Variants in OFD1 observed in about 807,000 individuals in gnomAD.
OFD1 encodes the protein OFD1 centriole and centriolar satellite protein.
OFD1 carries 12 observed loss-of-function variants against 81.4 expected under a neutral mutation model. That is an observed-to-expected ratio of 0.15 (90% CI 0.09 to 0.24). The LOEUF (loss-of-function observed/expected upper bound fraction) is 0.24, where lower values mean the gene tolerates loss of function less well. Ranked by LOEUF, OFD1 falls within the 10% of genes least tolerant of loss-of-function variation. OFD1 has a pLI of 1.00. For missense variants in OFD1, 685 were observed against 733.9 expected (o/e 0.93, Z 0.77); for synonymous variants, 256 against 263.7 (o/e 0.97, Z 0.28).
At chrX:13,734,419 G>C (rs1602754415), upstream of OFD1, 1 of 260,167 alleles carries the variant, frequency 3.8e-6, no homozygotes, top group Non-Finnish European at 6.8e-6. Flanking sequence ...CGGCCACCCC[G>C]GGGAGGGGTG....
chrX:13,723,511 T>C, the OFD1 span, among the ~76,000 whole-genome samples: 42 of 111,557 alleles, frequency 3.8e-4, no homozygotes, highest in African/African-American at 1.4e-3. Context: ...TCCTCCACCT[T>C]CCCTTCACCA....
chrX:13,724,375 T>A, the OFD1 span, among the ~76,000 whole-genome samples: 1 of 96,907 alleles, frequency 1.0e-5, no homozygotes. Context: ...AGGCCTACAA[T>A]GAGTTGAAGT....
chrX:13,725,920 T>C, the OFD1 span, among the ~76,000 whole-genome samples: 1 of 111,684 alleles, frequency 9.0e-6, no homozygotes, highest in South Asian at 3.7e-4. Context: ...TTAAATGACC[T>C]GAGGGAGCTA....
the OFD1 span, chrX:13,721,740 T>C: frequency 5.5e-5 from 5 of 91,734 alleles, no homozygotes; most frequent in African/African-American, 2.2e-4. Context: ...TCAGAACTCC[T>C]GGCATGATGA....
chrX:13,739,178 C>T, intron 5 of OFD1, 146 bp downstream of exon 5: 1 of 504,984 alleles, frequency 2.0e-6, no homozygotes, highest in South Asian at 3.3e-5. Flanking sequence ...CCCTATATTT[C>T]CATTTTTGTA....
At chrX:13,767,978 A>ATTAGTGCAT (rs764338743) in intron 20 of OFD1, 76 bp from the exon 21 acceptor site, 24 of 1,012,798 alleles carry the variant, frequency 2.4e-5, no homozygotes, top group Non-Finnish European at 2.9e-5. Flanking sequence ...CGGGATTAAT[A>ATTAGTGCAT]TTAGTGCATT....
chrX:13,735,723 A>G (rs749130880), intron 2 of OFD1, among the ~76,000 whole-genome samples: 1 of 112,283 alleles, frequency 8.9e-6, no homozygotes, highest in Non-Finnish European at 1.9e-5. Context: ...GACACCATAT[A>G]GAAAATACTA....
At chrX:13,737,397 CTT>C (rs1206441508) in intron 3 of OFD1, among the ~76,000 whole-genome samples, 3 of 105,581 alleles carry the variant, frequency 2.8e-5, no homozygotes, top group African/African-American at 7.0e-5. Flanking sequence ...TTTTAATAGA[CTT>C]TATTTTTTCA....
upstream of OFD1, among the ~76,000 whole-genome samples, chrX:13,732,734 A>G (rs142974592): frequency 7.0e-3 from 791 of 113,060 alleles, 7 homozygotes; most frequent in African/African-American, 0.024. Context: ...GAGTGGGAGG[A>G]TGCTCAGTGA....
At chrX:13,751,976 G>A (rs1025537087) in intron 10 of OFD1, among the ~76,000 whole-genome samples, 6 of 112,288 alleles carry the variant, frequency 5.3e-5, no homozygotes, top group African/African-American at 1.9e-4. Context: ...TTGATAAGCT[G>A]TAAAATTGGA....
At position 13,761,156 on chromosome X, in the gene OFD1, T is replaced by C. The variant is rs1306533962; in HGVS notation, c.2332T>C (p.Ser778Pro). 2 of 1,210,441 alleles carry C rather than the reference T, an allele frequency of 1.7e-6. No individual in the cohort carries two copies. The highest frequency in any genetic ancestry group is 4.3e-5 in the Admixed American group (2 of 45,984). Residue 778 changes from serine (S) to proline (P), a missense_variant, in exon 17 of 23, where the codon TCT (serine) becomes CCT (proline). Coordinates refer to ENST00000340096, the MANE Select transcript of OFD1 (RefSeq NM_003611.3). ...AATGCCCCTACCATCACCCACTGAGTCTAGGCACAGCCTCTCCATCCCTCC... is the reference window on the plus strand; with the variant it reads ...AATGCCCCTACCATCACCCACTGAGCCTAGGCACAGCCTCTCCATCCCTCC... ...DRMPLPSPTE[S>P]RHSLSIPPVS... is the part of the protein sequence containing the mutation.
the OFD1 span, among the ~76,000 whole-genome samples, chrX:13,724,400 T>TAAAAAAA: frequency 2.4e-5 from 2 of 82,313 alleles, no homozygotes; most frequent in African/African-American, 9.0e-5. Context: ...AATATATATT[T>TAAAAAAA]AAAAAAAAAA....
the OFD1 span, chrX:13,714,517 G>A: frequency 8.2e-6 from 8 of 970,295 alleles, no homozygotes; most frequent in African/African-American, 1.3e-4. Flanking sequence ...TAGGAAAGAA[G>A]AAAGTATTAG....
rs1271865072 is a variant in OFD1 at position 13,757,764 on chromosome X, G to A, written c.1516G>A (p.Ala506Thr). The A allele has an allele frequency of 8.3e-7, 1 of 1,211,112 alleles. No homozygotes were observed. The highest frequency in any genetic ancestry group is 1.1e-6 in the Non-Finnish European group (1 of 895,008). Residue 506 changes from alanine to threonine, a missense_variant, in exon 14 of 23, where the codon GCT (alanine) becomes ACT (threonine). Around this residue, in one of 3 missense-constraint regions of OFD1, gnomAD observed 414 missense variants for 447.2 expected, o/e 0.93. Transcript: ENST00000340096. Reference sequence around the variant, plus strand: ...TGAGGAGTTCGAAAGCTGCAGGCAAGCTCTGCACAAACAACTGCAAGACGA... The same window carrying A: ...TGAGGAGTTCGAAAGCTGCAGGCAAACTCTGCACAAACAACTGCAAGACGA... ...EHEEFESCRQ[A>T]LHKQLQDEIE...
the OFD1 span, among the ~76,000 whole-genome samples, chrX:13,716,878 A>G: frequency 9.0e-6 from 1 of 110,735 alleles, no homozygotes; most frequent in Non-Finnish European, 1.9e-5. Flanking sequence ...CTACATCTCA[A>G]CAGAAACAGC....
rs751495195 is a variant in OFD1, at chrX:13,763,737, T to A, written c.2489-8T>A. ...TAAGGACTCATGGGACAATTGTGCC[T>A]CATGCAGCTGCAGGGAACATGCCAA... On this transcript the variant is annotated splice_region_variant and splice_polypyrimidine_tract_variant and intron_variant, in intron 18 of 22. Coordinates refer to ENST00000340096, the MANE Select transcript of OFD1 (RefSeq NM_003611.3). The A allele has an allele frequency of 2.5e-6, 3 of 1,194,240 alleles. No individual in the cohort carries two copies. The highest frequency in any genetic ancestry group is 3.4e-6 in the Non-Finnish European group (3 of 879,561).
chrX:13,751,417 T>C, intron 10 of OFD1, 49 bp downstream of exon 10: 1 of 1,057,634 alleles, frequency 9.5e-7, no homozygotes, highest in Non-Finnish European at 1.3e-6. Flanking sequence ...ATTAAATTGG[T>C]AGAAACATAA....
At chrX:13,731,507 C>T (rs914589111), upstream of OFD1, among the ~76,000 whole-genome samples, 9 of 112,060 alleles carry the variant, frequency 8.0e-5, 1 homozygote, top group African/African-American at 1.6e-4. Context: ...AGTCATTTTA[C>T]GAAATATTTT....
At chrX:13,757,817 G>A in intron 14 of OFD1, 27 bp downstream of exon 14, 1 of 1,204,596 alleles carries the variant, frequency 8.3e-7, no homozygotes, top group Non-Finnish European at 1.1e-6. Flanking sequence ...TTCAGTTCTA[G>A]TGTGATACCA....
Sources: gnomAD v4.1 joint callset for allele counts (sites outside exome capture counted in the v4.1 genomes callset) on GRCh38, gnomAD v4.1.1 for gene constraint, gnomAD v4.1.1 regional missense constraint, MANE v1.5 for transcripts, NCBI Gene and HGNC (gene_info 2026-07-23, HGNC 2026-07-21) for gene names.